CCDC91: variants seen among roughly 807,000 people sequenced by gnomAD.
The protein encoded by CCDC91 is coiled-coil domain containing 91.
In CCDC91, 48 loss-of-function variants were observed where a neutral mutation model predicts 63.2. That is an observed-to-expected ratio of 0.76 (90% CI 0.60 to 0.97). The LOEUF is 0.97. Ranked by LOEUF, CCDC91 falls within the 50% of genes least tolerant of loss-of-function variation. CCDC91 has a pLI of 0.00. For missense variants in CCDC91, 500 were observed against 494.6 expected (o/e 1.01, Z -0.10); for synonymous variants, 167 against 165.8 (o/e 1.01, Z -0.06).
At position 28,391,451 on chromosome 12, in the gene CCDC91, C is replaced by T. The variant is rs1164259457; in HGVS notation, c.762+40C>T. The T allele has an allele frequency of 3.3e-6, 4 of 1,196,994 alleles. No individual in the cohort carries two copies. The African/African-American group carries it at 6.0e-5, about 18-fold the overall frequency. The allele number at this position is 1,196,994 out of a possible 1,614,324, so 74.1% of individuals were successfully genotyped here. A position where few individuals can be genotyped will look rare whatever the true frequency, so the allele number is the denominator to read the frequency against. ...CATCCATTATATATTTATACTTTTC[C>T]CCTGACTCTCTCCCCTGAGAGCTCT... On this transcript the variant is annotated intron_variant, in intron 8 of 12. Transcript: ENST00000536442.
intron 7 of CCDC91, among the ~76,000 whole-genome samples, chr12:28,368,830 A>AAGAGAG (rs140061205): frequency 2.6e-4 from 38 of 148,630 alleles, no homozygotes; most frequent in African/African-American, 5.4e-4. Context: ...GAGAGAGAGA[A>AAGAGAG]AGAGAGAGAG....
At chr12:28,248,203 A>G (rs568946642) in intron 1 of CCDC91, among the ~76,000 whole-genome samples, 9 of 152,312 alleles carry the variant, frequency 5.9e-5, no homozygotes, top group Admixed American at 2.0e-4. Flanking sequence ...TCACTGGTCT[A>G]AAGACCCCTG....
intron 8 of CCDC91, among the ~76,000 whole-genome samples, chr12:28,445,377 A>T (rs1401557240): frequency 1.3e-5 from 2 of 152,212 alleles, no homozygotes. Flanking sequence ...CAAAACCAAC[A>T]AGCAAAAACT....
At chr12:28,537,524 T>C (rs1469909402) in intron 12 of CCDC91, among the ~76,000 whole-genome samples, 4 of 152,202 alleles carry the variant, frequency 2.6e-5, no homozygotes, top group Admixed American at 6.5e-5. Flanking sequence ...CAGTGTAAAG[T>C]TGGTACCTTT....
chr12:28,273,532 C>G (rs1426007540), intron 3 of CCDC91, among the ~76,000 whole-genome samples: 3 of 152,104 alleles, frequency 2.0e-5, no homozygotes, highest in Non-Finnish European at 4.4e-5. Context: ...GATTGCCATT[C>G]TAACTGGTGT....
At chr12:28,305,859 CTAATT>C (rs1938668537) in intron 4 of CCDC91, 53 bp downstream of exon 4, 1 of 1,425,676 alleles carries the variant, frequency 7.0e-7, no homozygotes, top group Admixed American at 2.0e-5. Flanking sequence ...AAATTGCCTG[CTAATT>C]TAATTGTTGC....
chr12:28,497,729 A>G (rs1952384747), intron 12 of CCDC91, among the ~76,000 whole-genome samples: 1 of 151,602 alleles, frequency 6.6e-6, no homozygotes, highest in South Asian at 2.1e-4. Flanking sequence ...ACCTTGTACT[A>G]GGAGCATATT....
At chr12:28,237,691 A>G (rs1738952450) in intron 1 of CCDC91, among the ~76,000 whole-genome samples, 1 of 152,226 alleles carries the variant, frequency 6.6e-6, no homozygotes, top group South Asian at 2.1e-4. Context: ...TCTGGCCTCC[A>G]GAATTGTGAG....
chr12:28,485,416 T>G (rs1359488547), intron 12 of CCDC91, among the ~76,000 whole-genome samples: 1 of 151,988 alleles, frequency 6.6e-6, no homozygotes, highest in Admixed American at 6.6e-5. Context: ...TCCACCCACC[T>G]CAGCCTCCCA....
chr12:28,355,516 T>A (rs552337128), intron 6 of CCDC91, among the ~76,000 whole-genome samples: 21 of 152,324 alleles, frequency 1.4e-4, no homozygotes, highest in Non-Finnish European at 2.1e-4. Context: ...TTTGAGTAGT[T>A]GTTTTCATCT....
chr12:28,216,405 A>T (rs1020090282), intron 1 of CCDC91, among the ~76,000 whole-genome samples: 1 of 152,050 alleles, frequency 6.6e-6, no homozygotes, highest in African/African-American at 2.4e-5. Context: ...TGGTTTCAGT[A>T]AGTAAAATAA....
chr12:28,425,815 C>T (rs537222690), intron 8 of CCDC91, among the ~76,000 whole-genome samples: 4 of 152,188 alleles, frequency 2.6e-5, no homozygotes, highest in African/African-American at 9.6e-5. Flanking sequence ...GTGGTACTTC[C>T]CCAGACCTAC....
intron 1 of CCDC91, among the ~76,000 whole-genome samples, chr12:28,207,707 G>A (rs1282189156): frequency 6.6e-6 from 1 of 152,138 alleles, no homozygotes; most frequent in Admixed American, 6.5e-5. Flanking sequence ...CAATTTATAA[G>A]TCACCACATC....
At chr12:28,474,505 C>T (rs1222138007) in intron 11 of CCDC91, among the ~76,000 whole-genome samples, 1 of 151,846 alleles carries the variant, frequency 6.6e-6, no homozygotes, top group Non-Finnish European at 1.5e-5. Context: ...GATCCCAGGT[C>T]TACATAAATG....
intron 3 of CCDC91, among the ~76,000 whole-genome samples, chr12:28,276,347 G>T (rs1262966137): frequency 6.6e-6 from 1 of 151,886 alleles, no homozygotes. Context: ...GATTCACTGG[G>T]TGTAAACCAA....
At chr12:28,261,562 A>G (rs1467667276) in intron 3 of CCDC91, among the ~76,000 whole-genome samples, 1 of 152,030 alleles carries the variant, frequency 6.6e-6, no homozygotes, top group Non-Finnish European at 1.5e-5. Context: ...ATAGATGGTC[A>G]TAAGTGGCTT....
intron 1 of CCDC91, among the ~76,000 whole-genome samples, chr12:28,219,753 G>A (rs541650363): frequency 2.0e-4 from 30 of 152,224 alleles, no homozygotes; most frequent in African/African-American, 7.0e-4. Context: ...GATTACAGGC[G>A]TGAGCCACTG....
At chr12:28,538,656 G>A (rs1942384704) in intron 12 of CCDC91, among the ~76,000 whole-genome samples, 1 of 152,152 alleles carries the variant, frequency 6.6e-6, no homozygotes, top group Non-Finnish European at 1.5e-5. Context: ...GCTGTTTCTA[G>A]TTAAAGATCC....
Position 28,549,148 on chromosome 12 carries a change from C to T in CCDC91, c.1301C>T (p.Ala434Val). Residue 434 changes from alanine to valine, a missense_variant, in exon 13 of 13, where the codon GCT (alanine) becomes GTT (valine). By Grantham distance (64) the Ala-to-Val change is moderately conservative (BLOSUM62 0). Transcript: ENST00000536442. ...CAQKQLSALIATEPVDIE is the reference protein window; with the variant it reads ...CAQKQLSALIVTEPVDIE ...CAGAAACAGTTAAGTGCTTTAATAG[C>T]TACGGAACCAGTTGACATTGAATAA... 1 of 1,608,912 alleles carries T rather than the reference C, an allele frequency of 6.2e-7. No individual in the cohort carries two copies.
Sources: gnomAD v4.1 joint callset for allele counts (sites outside exome capture counted in the v4.1 genomes callset) on GRCh38, gnomAD v4.1.1 for gene constraint, MANE v1.5 for transcripts, NCBI Gene and HGNC (gene_info 2026-07-23, HGNC 2026-07-21) for gene names.